RGPD2: variants seen among roughly 807,000 people sequenced by gnomAD.
RGPD2 encodes RANBP2-like and GRIP domain-containing protein 2.
In RGPD2, 2 loss-of-function variants were observed where a neutral mutation model predicts 36.0. The ratio of observed to expected loss-of-function variants is 0.06; its 90% CI spans 0.02 to 0.17. The LOEUF is 0.17. RGPD2 is among the 10% of genes least tolerant of loss of function. RGPD2 has a pLI of 1.00. For missense variants in RGPD2, 40 were observed against 464.3 expected (o/e 0.09, Z 8.40); for synonymous variants, 19 against 163.8 (o/e 0.12, Z 6.75).
At chr2:87,881,022 T>C in the RGPD2 span, among the ~76,000 whole-genome samples, 2 of 150,888 alleles carry the variant, frequency 1.3e-5, no homozygotes, top group African/African-American at 2.4e-5. Flanking sequence ...CGTAATTAAA[T>C]CTTAAAGTTT....
At chr2:87,876,385 G>C in the RGPD2 span, among the ~76,000 whole-genome samples, 1 of 152,086 alleles carries the variant, frequency 6.6e-6, no homozygotes, top group Non-Finnish European at 1.5e-5. Flanking sequence ...ATTTCCCTCT[G>C]AACACTGCTT....
At chr2:87,986,698 G>A in the RGPD2 span, among the ~76,000 whole-genome samples, 114 of 151,254 alleles carry the variant, frequency 7.5e-4, no homozygotes, top group African/African-American at 2.7e-3. Context: ...TGACCAACAT[G>A]GTGAAACCCC....
At chr2:87,867,673 A>G in the RGPD2 span, among the ~76,000 whole-genome samples, 5 of 152,064 alleles carry the variant, frequency 3.3e-5, no homozygotes, top group Non-Finnish European at 7.4e-5. Flanking sequence ...TTTGAGTGTG[A>G]ATATAAGGCC....
chr2:87,856,337 T>C, the RGPD2 span, among the ~76,000 whole-genome samples: 32 of 152,134 alleles, frequency 2.1e-4, no homozygotes, highest in African/African-American at 7.2e-4. Flanking sequence ...TGAAGTTGAG[T>C]TTAAGTAACT....
At chr2:87,824,271 C>G (rs867700698) in intron 1 of RGPD2, among the ~76,000 whole-genome samples, 2 of 151,370 alleles carry the variant, frequency 1.3e-5, no homozygotes, top group Admixed American at 1.3e-4. Context: ...GGATTACAGA[C>G]GAAGAATATT....
chr2:87,863,177 T>C, the RGPD2 span, among the ~76,000 whole-genome samples: 1 of 149,592 alleles, frequency 6.7e-6, no homozygotes, highest in South Asian at 2.1e-4. Context: ...GGGAGGGATG[T>C]TTCCAGAAAA....
the RGPD2 span, among the ~76,000 whole-genome samples, chr2:87,897,107 C>G: frequency 6.6e-6 from 1 of 152,156 alleles, no homozygotes; most frequent in East Asian, 1.9e-4. Context: ...TCCCTTATAA[C>G]TTACAAAACT....
chr2:87,896,897 AT>A, the RGPD2 span, among the ~76,000 whole-genome samples: 2 of 145,072 alleles, frequency 1.4e-5, no homozygotes, highest in African/African-American at 2.5e-5. Flanking sequence ...TGCATCTCTT[AT>A]TTTTTATATT....
At chr2:87,959,868 CT>C in the RGPD2 span, among the ~76,000 whole-genome samples, 7,117 of 134,220 alleles carry the variant, frequency 0.053, 59 homozygotes, top group African/African-American at 0.086. Flanking sequence ...TCAGCATCAT[CT>C]TTTTTTTTAT....
chr2:87,915,373 AT>A, the RGPD2 span, among the ~76,000 whole-genome samples: 1 of 126,024 alleles, frequency 7.9e-6, no homozygotes, highest in South Asian at 2.3e-4. Flanking sequence ...ATATATGTAT[AT>A]TATATATATT....
intron 1 of RGPD2, chr2:87,824,966 T>A (rs1435252207): frequency 2.6e-6 from 1 of 388,692 alleles, no homozygotes; most frequent in Non-Finnish European, 4.5e-6. Flanking sequence ...TACTACCGTA[T>A]GGCCCACCAT....
the RGPD2 span, among the ~76,000 whole-genome samples, chr2:87,957,240 G>A: frequency 7.1e-6 from 1 of 140,016 alleles, no homozygotes; most frequent in African/African-American, 2.7e-5. Context: ...GGTCACTGGG[G>A]GGGGGCTCTC....
the RGPD2 span, among the ~76,000 whole-genome samples, chr2:87,857,455 G>C: frequency 6.6e-6 from 1 of 151,420 alleles, no homozygotes; most frequent in Non-Finnish European, 1.5e-5. Flanking sequence ...CCATTCTCCT[G>C]CCTCAGCCTC....
the RGPD2 span, among the ~76,000 whole-genome samples, chr2:87,870,318 T>C: frequency 1.4e-4 from 22 of 152,288 alleles, no homozygotes; most frequent in Non-Finnish European, 4.4e-5. Flanking sequence ...CCAAAGTCTA[T>C]AGCTCCATTC....
At chr2:87,810,125 C>T (rs1304533321) in intron 6 of RGPD2, among the ~76,000 whole-genome samples, 1 of 8,866 alleles carries the variant, frequency 1.1e-4, no homozygotes, top group Non-Finnish European at 3.4e-4. Flanking sequence ...TGCACCACTG[C>T]ATGCCAACCT....
the RGPD2 span, among the ~76,000 whole-genome samples, chr2:87,915,229 T>C: frequency 6.7e-6 from 1 of 149,732 alleles, no homozygotes; most frequent in Non-Finnish European, 1.5e-5. Context: ...TGCCCTGATA[T>C]ATTTTACTTA....
the RGPD2 span, among the ~76,000 whole-genome samples, chr2:87,929,539 G>A: frequency 6.7e-6 from 1 of 150,036 alleles, no homozygotes; most frequent in African/African-American, 2.5e-5. Context: ...GGACTTCTTT[G>A]GCTATTCAGG....
intron 22 of RGPD2, chr2:87,771,387 T>TTTG (rs1685106068): frequency 6.4e-4 from 1 of 1,554 alleles, no homozygotes; most frequent in African/African-American, 1.8e-3. Context: ...ATCATAGTTT[T>TTTG]TTTTTTTTTT....
At chr2:87,903,514 G>A in the RGPD2 span, among the ~76,000 whole-genome samples, 73 of 152,196 alleles carry the variant, frequency 4.8e-4, no homozygotes, top group African/African-American at 1.7e-3. Flanking sequence ...TAATACATAT[G>A]CCAAGATCAA....
Sources: allele counts gnomAD v4.1 joint callset (sites outside exome capture counted in the v4.1 genomes callset), GRCh38; gene constraint gnomAD v4.1.1; transcripts MANE v1.5; gene names NCBI Gene and HGNC (gene_info 2026-07-23, HGNC 2026-07-21).